ACBD5: variants seen among roughly 807,000 people sequenced by gnomAD.
ACBD5 encodes acyl-CoA-binding domain-containing protein 5.
In ACBD5, 40 loss-of-function variants were observed where a neutral mutation model predicts 71.8. The ratio of observed to expected loss-of-function variants is 0.56; its 90% confidence interval spans 0.43 to 0.72. ACBD5 has a LOEUF of 0.72. Ranked by LOEUF, ACBD5 falls within the 30% of genes least tolerant of loss-of-function variation. The probability of loss-of-function intolerance (pLI) is 0.00; values close to 1 mark genes in which losing one functional copy is unlikely to be tolerated. For synonymous variants in ACBD5, 229 were observed against 218.6 expected (o/e 1.05, Z -0.42); for missense variants, 559 against 644.5 (o/e 0.87, Z 1.44).
intron 8 of ACBD5, among the ~76,000 whole-genome samples, chr10:27,213,428 A>G (rs1360745552): frequency 6.6e-6 from 1 of 152,184 alleles, no homozygotes; most frequent in Non-Finnish European, 1.5e-5. Flanking sequence ...AAATTAGTAC[A>G]GCCACTGGGG....
Position 27,200,781 on chromosome 10 carries a change from T to G in ACBD5, c.1566-3339A>C, listed in dbSNP as rs530562234. Among the ~76,000 whole-genome samples the G allele has an allele frequency of 3.9e-5, 6 of 152,242 alleles. No individual in the cohort carries two copies. The East Asian group carries it at 1.2e-3, about 29-fold the overall frequency. ...GCCTATTCCTCTACTTTCTTAAACT[T>G]GCTTTCACTTTACTTTATGGACTTG... On this transcript the variant is annotated intron_variant, in intron 12 of 12. Coordinates refer to ENST00000396271, the MANE Select transcript of ACBD5 (RefSeq NM_145698.5).
intron 3 of ACBD5, 23 bp downstream of exon 3, chr10:27,235,069 C>T: frequency 1.2e-6 from 2 of 1,611,156 alleles, no homozygotes; most frequent in Non-Finnish European, 8.5e-7. Flanking sequence ...TAAATTCTTG[C>T]ATAGCTCTAC....
chr10:27,189,339 A>G (rs987645936), intron 13 of ACBD5, among the ~76,000 whole-genome samples: 3 of 152,218 alleles, frequency 2.0e-5, no homozygotes, highest in Admixed American at 6.5e-5. Context: ...TACAGTTTGT[A>G]TTAATAAAAA....
chr10:27,216,121 AC>A (rs1041032764), intron 7 of ACBD5, among the ~76,000 whole-genome samples: 5 of 150,146 alleles, frequency 3.3e-5, no homozygotes, highest in Admixed American at 1.3e-4. Flanking sequence ...TGATCCACCC[AC>A]CTTGGCCTCC....
intron 13 of ACBD5, among the ~76,000 whole-genome samples, chr10:27,183,951 A>G (rs1339418440): frequency 6.6e-6 from 1 of 152,154 alleles, no homozygotes; most frequent in Non-Finnish European, 1.5e-5. Context: ...GGCTCAAGCC[A>G]TCCGCCCACC....
intron 2 of ACBD5, among the ~76,000 whole-genome samples, chr10:27,239,796 G>A (rs1362032930): frequency 6.6e-6 from 1 of 152,160 alleles, no homozygotes; most frequent in African/African-American, 2.4e-5. Flanking sequence ...GCCCAGGCTG[G>A]AGTGCAGTGG....
chr10:27,188,748 C>T (rs2058923302), intron 13 of ACBD5, among the ~76,000 whole-genome samples: 1 of 152,078 alleles, frequency 6.6e-6, no homozygotes, highest in Non-Finnish European at 1.5e-5. Flanking sequence ...AAATTTATAC[C>T]TGTCAAGATG....
chr10:27,192,460 A>G (rs1432799413), downstream of ACBD5, among the ~76,000 whole-genome samples: 1 of 152,142 alleles, frequency 6.6e-6, no homozygotes, highest in East Asian at 1.9e-4. Context: ...TAAGCTGACC[A>G]GGCTGAGTCA....
At chr10:27,239,005 C>T (rs2065122191) in intron 2 of ACBD5, among the ~76,000 whole-genome samples, 1 of 152,154 alleles carries the variant, frequency 6.6e-6, no homozygotes. Context: ...CAATACCAGC[C>T]TGACCAACAT....
downstream of ACBD5, among the ~76,000 whole-genome samples, chr10:27,193,114 CGTGTGTGT>C (rs58983291): frequency 0.099 from 7,965 of 80,076 alleles, 566 homozygotes; most frequent in African/African-American, 0.11. Context: ...TTCCTTCCTT[CGTGTGTGT>C]GTGTGTGTGT....
intron 4 of ACBD5, among the ~76,000 whole-genome samples, chr10:27,230,653 C>A (rs2063726829): frequency 6.6e-6 from 1 of 151,874 alleles, no homozygotes; most frequent in Admixed American, 6.6e-5. Flanking sequence ...AAAAATTAGC[C>A]AGGTGTAGTG....
At chr10:27,206,409 G>A (rs77006750) in intron 10 of ACBD5, among the ~76,000 whole-genome samples, 10,605 of 151,898 alleles carry the variant, frequency 0.07, 695 homozygotes, top group African/African-American at 0.17. Flanking sequence ...TTGAGCTCAG[G>A]AGTTTGAGAC....
At position 27,204,114 on chromosome 10, in the gene ACBD5, G is replaced by T. The variant is rs368340647; in HGVS notation, c.1565+326C>A. On this transcript the variant is annotated intron_variant, in intron 12 of 12. Coordinates refer to ENST00000396271, the MANE Select transcript of ACBD5 (RefSeq NM_145698.5). Reference sequence around the variant, plus strand: ...GTGAACAGCCACTGCCCTCCAGCCTGGGCAACAAAACGGGACCCAGTCTCA... The same window carrying T: ...GTGAACAGCCACTGCCCTCCAGCCTTGGCAACAAAACGGGACCCAGTCTCA... Among the ~76,000 whole-genome samples, 9 of 129,642 alleles carry T rather than the reference G, an allele frequency of 6.9e-5. No individual in the cohort carries two copies. The South Asian group carries it at 1.4e-3, about 21-fold the overall frequency. 85.1% of individuals were successfully genotyped at this position (129,642 alleles called of 152,430 possible). A position where few individuals can be genotyped will look rare whatever the true frequency, so the allele number is the denominator to read the frequency against.
chr10:27,210,814 C>A lies in ACBD5; in HGVS notation c.1204G>T (p.Gly402Ter). Residue 402 changes from glycine (G) to a stop codon, truncating the protein, a stop_gained and splice_region_variant, in exon 9 of 13, where the codon GGA becomes TGA. Coordinates refer to ENST00000396271, the MANE Select transcript of ACBD5 (RefSeq NM_145698.5). LOFTEE classifies it high-confidence loss of function. ...DEFSNVRRGR[G>*]HRMQHLSEGT... ...AGGGAAGAAAAAAGGTAATCCACAC[C>A]TCTTCCTCTTCTAACATTAGAGAAT... The A allele has an allele frequency of 6.2e-7, 1 of 1,614,130 alleles. No individual in the cohort carries two copies. The highest frequency in any genetic ancestry group is 8.5e-7 in the Non-Finnish European group (1 of 1,180,008).
At chr10:27,207,284 C>A (rs573638396) in intron 10 of ACBD5, among the ~76,000 whole-genome samples, 1 of 80,658 alleles carries the variant, frequency 1.2e-5, no homozygotes, top group African/African-American at 4.2e-5. Flanking sequence ...CAAAAAAAAA[C>A]CCATAATAAT....
At chr10:27,241,904 G>T (rs193057287), upstream of ACBD5, among the ~76,000 whole-genome samples, 26 of 152,166 alleles carry the variant, frequency 1.7e-4, no homozygotes, top group Non-Finnish European at 3.5e-4. Flanking sequence ...ACTAGGTTGT[G>T]GGGGGTGGAG....
intron 3 of ACBD5, among the ~76,000 whole-genome samples, chr10:27,234,568 C>T (rs2064374560): frequency 6.6e-6 from 1 of 151,216 alleles, no homozygotes; most frequent in Non-Finnish European, 1.5e-5. Context: ...TTTGATGCAC[C>T]TATCCCTTTT....
At chr10:27,205,148 C>CA in intron 11 of ACBD5, 50 bp downstream of exon 11, 2 of 1,569,782 alleles carry the variant, frequency 1.3e-6, no homozygotes, top group East Asian at 4.5e-5. Context: ...AAAACAACAA[C>CA]AAAAAACATA....
Position 27,240,434 on chromosome 10 carries a change from G to A in ACBD5, c.66C>T (p.Ala22=). 3 of 1,614,086 alleles carry A rather than the reference G, an allele frequency of 1.9e-6. No individual in the cohort carries two copies. Among genetic ancestry groups the A allele is most frequent in the Non-Finnish European group, 2.5e-6 (3 of 1,180,010 alleles). Residue 22 remains alanine, a synonymous_variant, in exon 2 of 13, where the codon GCC becomes GCT. Coordinates refer to ENST00000396271, the MANE Select transcript of ACBD5 (RefSeq NM_145698.5). The surrounding 1 kb of genome is among the most constrained non-coding windows in gnomAD (Gnocchi z 4.1). ...GTTGGCCCCGGTCCCAAGGTCTGTCGGCGGGAATCAGGCAGCAGCAGCACC... is the reference window on the plus strand; with the variant it reads ...GTTGGCCCCGGTCCCAAGGTCTGTCAGCGGGAATCAGGCAGCAGCAGCACC... ...ESWCCCCLIP[A]DRPWDRGQHW...
Sources: gnomAD v4.1 joint callset for allele counts (sites outside exome capture counted in the v4.1 genomes callset) on GRCh38, gnomAD v4.1.1 for gene constraint, Gnocchi (gnomAD v3.1) non-coding constraint, MANE v1.5 for transcripts, NCBI Gene and HGNC (gene_info 2026-07-23, HGNC 2026-07-21) for gene names.